Variants in MBD5 observed in about 807,000 individuals in gnomAD.
The protein encoded by MBD5 is methyl-CpG-binding domain protein 5.
Under a neutral mutation model 117.3 loss-of-function variants are expected in MBD5, and 13 were observed. The observed-to-expected ratio is 0.11, with a 90% confidence interval of 0.07 to 0.18. The LOEUF (loss-of-function observed/expected upper bound fraction) is 0.18, where lower values mean the gene tolerates loss of function less well. Ranked by LOEUF, MBD5 falls within the 10% of genes least tolerant of loss-of-function variation. The pLI, the probability that MBD5 is intolerant of heterozygous loss-of-function variation, is 1.00. For synonymous variants in MBD5, 727 were observed against 766.4 expected (o/e 0.95, Z 0.85); for missense variants, 1,879 against 2,093.8 (o/e 0.90, Z 2.00).
chr2:148,439,625 A>G (rs1574424554), intron 4 of MBD5, among the ~76,000 whole-genome samples: 1 of 152,032 alleles, frequency 6.6e-6, no homozygotes, highest in East Asian at 1.9e-4. Flanking sequence ...GTAATAGTGT[A>G]TTTGTGGTAA....
At chr2:148,361,062 T>C (rs1292495744) in intron 4 of MBD5, among the ~76,000 whole-genome samples, 3 of 152,064 alleles carry the variant, frequency 2.0e-5, no homozygotes, top group Non-Finnish European at 2.9e-5. Context: ...AAGTGCTGGG[T>C]TGGGGCCAGG....
At chr2:148,337,710 A>G (rs191008349) in intron 3 of MBD5, among the ~76,000 whole-genome samples, 88 of 152,280 alleles carry the variant, frequency 5.8e-4, no homozygotes, top group African/African-American at 1.9e-3. Flanking sequence ...ATTATAAAGC[A>G]TTTGTAATTT....
intron 2 of MBD5, among the ~76,000 whole-genome samples, chr2:148,180,956 T>C (rs1365351697): frequency 6.6e-6 from 1 of 152,172 alleles, no homozygotes; most frequent in Admixed American, 6.5e-5. Flanking sequence ...ATTTTAAAAT[T>C]TTTATATGAG....
intron 4 of MBD5, among the ~76,000 whole-genome samples, chr2:148,393,989 C>G (rs2105013238): frequency 6.6e-6 from 1 of 152,216 alleles, no homozygotes; most frequent in Non-Finnish European, 1.5e-5. Context: ...GACATTTAGG[C>G]AATGTTACCT....
At chr2:148,140,289 T>G (rs1697282185) in intron 1 of MBD5, among the ~76,000 whole-genome samples, 1 of 152,324 alleles carries the variant, frequency 6.6e-6, no homozygotes, top group South Asian at 2.1e-4. Context: ...TGCATTTTAG[T>G]GTAACTAAAT....
intron 11 of MBD5, among the ~76,000 whole-genome samples, chr2:148,493,645 A>G (rs1041953835): frequency 1.3e-5 from 2 of 152,218 alleles, no homozygotes; most frequent in African/African-American, 4.8e-5. Flanking sequence ...ATACATTAAT[A>G]TTTTAGCAGA....
chr2:148,195,525 A>G (rs1472108141), intron 2 of MBD5, among the ~76,000 whole-genome samples: 2 of 152,186 alleles, frequency 1.3e-5, no homozygotes, highest in Non-Finnish European at 2.9e-5. Flanking sequence ...GAAAATAGAA[A>G]CCTTCAACAA....
intron 4 of MBD5, among the ~76,000 whole-genome samples, chr2:148,444,362 A>T (rs1187330261): frequency 6.6e-6 from 1 of 151,254 alleles, no homozygotes; most frequent in African/African-American, 2.5e-5. Flanking sequence ...TACTTTGTCA[A>T]GAAAACAGCA....
intron 3 of MBD5, among the ~76,000 whole-genome samples, chr2:148,310,020 T>G (rs771268123): frequency 3.9e-5 from 6 of 152,210 alleles, no homozygotes; most frequent in Non-Finnish European, 8.8e-5. Flanking sequence ...GGATAAGCTC[T>G]TTGATGTGCT....
intron 4 of MBD5, among the ~76,000 whole-genome samples, chr2:148,432,428 A>G (rs1706018472): frequency 6.6e-6 from 1 of 152,082 alleles, no homozygotes; most frequent in Non-Finnish European, 1.5e-5. Context: ...TGTGTTCATC[A>G]TGAAATCTTT....
intron 1 of MBD5, among the ~76,000 whole-genome samples, chr2:148,135,093 A>T (rs1697141353): frequency 6.6e-6 from 1 of 152,178 alleles, no homozygotes; most frequent in South Asian, 2.1e-4. Context: ...TCAGGTATTG[A>T]AGATGCAATG....
chr2:148,246,003 T>A (rs900954487), intron 3 of MBD5, among the ~76,000 whole-genome samples: 4 of 152,138 alleles, frequency 2.6e-5, no homozygotes, highest in Non-Finnish European at 5.9e-5. Flanking sequence ...GAAAATGAAG[T>A]CATAGGATAC....
chr2:148,146,244 A>C (rs896093058), intron 1 of MBD5, among the ~76,000 whole-genome samples: 1 of 148,336 alleles, frequency 6.7e-6, no homozygotes, highest in Non-Finnish European at 1.5e-5. Flanking sequence ...CTTAGAAATT[A>C]TCTCTTTGTC....
At chr2:148,416,647 G>A (rs1705429345) in intron 4 of MBD5, among the ~76,000 whole-genome samples, 1 of 151,954 alleles carries the variant, frequency 6.6e-6, no homozygotes. Flanking sequence ...TAGCTCTAGG[G>A]GCACAAGTTG....
intron 4 of MBD5, among the ~76,000 whole-genome samples, chr2:148,408,489 T>G (rs1705148769): frequency 6.6e-6 from 1 of 152,174 alleles, no homozygotes; most frequent in African/African-American, 2.4e-5. Flanking sequence ...TTTTGTGTCA[T>G]CAAATAAAAA....
At chr2:148,053,414 T>C (rs1694774174) in intron 1 of MBD5, among the ~76,000 whole-genome samples, 1 of 152,126 alleles carries the variant, frequency 6.6e-6, no homozygotes, top group Admixed American at 6.5e-5. Flanking sequence ...AATAATAAAA[T>C]AAATATCTAT....
intron 1 of MBD5, among the ~76,000 whole-genome samples, chr2:148,144,599 T>G (rs2105569450): frequency 6.6e-6 from 1 of 152,354 alleles, no homozygotes; most frequent in Non-Finnish European, 1.5e-5. Context: ...TTTAAATCTT[T>G]AATCCATCTT....
intron 1 of MBD5, among the ~76,000 whole-genome samples, chr2:148,077,161 A>G (rs1050896315): frequency 6.6e-6 from 1 of 152,224 alleles, no homozygotes; most frequent in Non-Finnish European, 1.5e-5. Context: ...TCTCTAGCCC[A>G]TTGTCAAAAG....
At chr2:148,262,636 G>A (rs1262135861) in intron 3 of MBD5, among the ~76,000 whole-genome samples, 4 of 152,132 alleles carry the variant, frequency 2.6e-5, no homozygotes, top group African/African-American at 7.2e-5. Flanking sequence ...TTTGTCCAAG[G>A]TCATATACCA....
Sources: gnomAD v4.1 joint callset for allele counts (sites outside exome capture counted in the v4.1 genomes callset) on GRCh38, gnomAD v4.1.1 for gene constraint, MANE v1.5 for transcripts, NCBI Gene and HGNC (gene_info 2026-07-23, HGNC 2026-07-21) for gene names.